Variants in TAFA1 observed in about 807,000 individuals in gnomAD.
The protein encoded by TAFA1 is TAFA chemokine like family member 1, also known as chemokine-like protein TAFA-1.
A neutral mutation model predicts 18.5 loss-of-function variants in TAFA1; 4 were observed. The ratio of observed to expected loss-of-function variants is 0.22; its 90% CI spans 0.11 to 0.49. The LOEUF (loss-of-function observed/expected upper bound fraction) is 0.49, where lower values mean the gene tolerates loss of function less well. TAFA1 is among the 20% of genes least tolerant of loss of function. The probability of loss-of-function intolerance (pLI) is 0.98; values close to 1 mark genes in which losing one functional copy is unlikely to be tolerated. For missense variants in TAFA1, 147 were observed against 169.0 expected (o/e 0.87, Z 0.72); for synonymous variants, 56 against 55.2 (o/e 1.01, Z -0.06).
At chr3:68,082,974 A>G (rs943726726) in intron 2 of TAFA1, among the ~76,000 whole-genome samples, 1 of 152,208 alleles carries the variant, frequency 6.6e-6, no homozygotes, top group Non-Finnish European at 1.5e-5. Flanking sequence ...CCCTTTAGGG[A>G]TGCTATAAGA....
chr3:68,135,431 C>T (rs980769143), intron 2 of TAFA1, among the ~76,000 whole-genome samples: 8 of 152,188 alleles, frequency 5.3e-5, no homozygotes, highest in Admixed American at 2.6e-4. Flanking sequence ...TTGGGAATTT[C>T]CTGATTTCCA....
At chr3:68,339,213 T>C (rs1470508303) in intron 2 of TAFA1, among the ~76,000 whole-genome samples, 1 of 152,242 alleles carries the variant, frequency 6.6e-6, no homozygotes, top group African/African-American at 2.4e-5. Flanking sequence ...TTTCTTCTCA[T>C]GCTCACTGAA....
intron 2 of TAFA1, among the ~76,000 whole-genome samples, chr3:68,259,130 G>A (rs372527738): frequency 6.6e-6 from 1 of 152,170 alleles, no homozygotes; most frequent in Admixed American, 6.5e-5. Flanking sequence ...GCTCCCAGGT[G>A]CCACTGTGGG....
Position 68,417,394 on chromosome 3 carries a change from C to A in TAFA1, c.233C>A (p.Thr78Lys). The change falls in exon 3 of 5, where the codon ACA (threonine) becomes AAA (lysine). Residue 78 changes from threonine to lysine, a missense_variant. By Grantham distance (78) the Thr-to-Lys change is moderately conservative. Coordinates refer to ENST00000478136, the MANE Select transcript of TAFA1 (RefSeq NM_213609.4). ...CTACCTGGAAAAGTGGCTGGAACAA[C>A]AAGAAACCGGCCTTCTTGCGTCGAT... ...SCLPGKVAGT[T>K]RNRPSCVDAS... 6.2e-7 allele frequency: 1 copy of A among 1,613,578 alleles called. No individual in the cohort carries two copies. The highest frequency in any genetic ancestry group is 1.1e-5 in the South Asian group (1 of 91,064).
chr3:68,241,362 A>G (rs943498796), intron 2 of TAFA1, among the ~76,000 whole-genome samples: 1 of 152,272 alleles, frequency 6.6e-6, no homozygotes, highest in Middle Eastern at 3.4e-3. Flanking sequence ...GATTAGCCCA[A>G]TTACCTTCTG....
intron 2 of TAFA1, among the ~76,000 whole-genome samples, chr3:68,324,525 G>T (rs1188719226): frequency 6.6e-6 from 1 of 152,166 alleles, no homozygotes; most frequent in Non-Finnish European, 1.5e-5. Flanking sequence ...GTGTGGGGAA[G>T]GATTTGTTGT....
intron 2 of TAFA1, among the ~76,000 whole-genome samples, chr3:68,018,658 A>G (rs975569918): frequency 6.6e-6 from 1 of 152,248 alleles, no homozygotes; most frequent in African/African-American, 2.4e-5. Flanking sequence ...TGTGGCACAC[A>G]GTGAGGGCCA....
chr3:68,478,817 A>G (rs1440854515), intron 3 of TAFA1, among the ~76,000 whole-genome samples: 1 of 151,994 alleles, frequency 6.6e-6, no homozygotes, highest in Admixed American at 6.6e-5. Flanking sequence ...CCAATTCTAT[A>G]TTTCTATATT....
At chr3:68,308,453 A>C (rs1303589159) in intron 2 of TAFA1, among the ~76,000 whole-genome samples, 1 of 152,192 alleles carries the variant, frequency 6.6e-6, no homozygotes, top group Non-Finnish European at 1.5e-5. Flanking sequence ...ATTACCCAGA[A>C]TAGATGGCTT....
intron 2 of TAFA1, among the ~76,000 whole-genome samples, chr3:68,406,550 G>A (rs1157907386): frequency 6.6e-6 from 1 of 152,170 alleles, no homozygotes; most frequent in East Asian, 1.9e-4. Context: ...CATCCAGGGT[G>A]AATGCCCCAC....
intron 2 of TAFA1, among the ~76,000 whole-genome samples, chr3:68,241,920 G>T (rs548761411): frequency 6.6e-6 from 1 of 152,192 alleles, no homozygotes; most frequent in South Asian, 2.1e-4. Flanking sequence ...AAATCTTGAA[G>T]TTTTGCAAAT....
intron 2 of TAFA1, among the ~76,000 whole-genome samples, chr3:68,372,566 A>G (rs761312195): frequency 1.3e-5 from 2 of 152,206 alleles, no homozygotes; most frequent in Admixed American, 6.5e-5. Flanking sequence ...TGTTAATCAC[A>G]TGACAAATAG....
intron 2 of TAFA1, among the ~76,000 whole-genome samples, chr3:68,412,610 A>G (rs182767166): frequency 1.3e-5 from 2 of 152,178 alleles, no homozygotes; most frequent in East Asian, 1.9e-4. Context: ...CTCACCTATG[A>G]GTGAGAACAT....
intron 2 of TAFA1, among the ~76,000 whole-genome samples, chr3:68,142,019 A>T (rs1377342924): frequency 6.6e-6 from 1 of 152,190 alleles, no homozygotes; most frequent in Non-Finnish European, 1.5e-5. Flanking sequence ...ATCTCTGAAG[A>T]ATCTGAAGTT....
At chr3:68,482,847 A>G (rs1450319589) in intron 3 of TAFA1, among the ~76,000 whole-genome samples, 1 of 152,250 alleles carries the variant, frequency 6.6e-6, no homozygotes, top group Admixed American at 6.5e-5. Flanking sequence ...CATTAGGGGA[A>G]GAACAGAGCA....
intron 2 of TAFA1, among the ~76,000 whole-genome samples, chr3:68,162,433 A>G (rs1287257422): frequency 2.6e-5 from 4 of 152,128 alleles, no homozygotes; most frequent in Non-Finnish European, 4.4e-5. Flanking sequence ...TGCGCGGCTG[A>G]TCTGACATGA....
intron 2 of TAFA1, among the ~76,000 whole-genome samples, chr3:68,028,084 G>C (rs1704854231): frequency 6.6e-6 from 1 of 152,120 alleles, no homozygotes. Context: ...TGGACCACTT[G>C]AGGCCAGGAG....
chr3:68,401,746 C>G (rs1408208233), intron 2 of TAFA1, among the ~76,000 whole-genome samples: 1 of 152,298 alleles, frequency 6.6e-6, no homozygotes, highest in South Asian at 2.1e-4. Context: ...ATGTCATTAT[C>G]TTCATTACCA....
intron 3 of TAFA1, among the ~76,000 whole-genome samples, chr3:68,453,580 C>T (rs190027916): frequency 1.3e-5 from 2 of 152,210 alleles, no homozygotes; most frequent in African/African-American, 4.8e-5. Flanking sequence ...ACATTCTCTG[C>T]ATAGAATATC....
Sources: allele counts gnomAD v4.1 joint callset (sites outside exome capture counted in the v4.1 genomes callset), GRCh38; gene constraint gnomAD v4.1.1; transcripts MANE v1.5; gene names NCBI Gene and HGNC (gene_info 2026-07-23, HGNC 2026-07-21).